Variants in GRIK5 observed in about 807,000 individuals in gnomAD.
GRIK5 encodes the protein glutamate receptor ionotropic, kainate 5.
A neutral mutation model predicts 97.4 loss-of-function variants in GRIK5; 43 were observed. The observed-to-expected ratio is 0.44, with a 90% CI of 0.35 to 0.57. The LOEUF (loss-of-function observed/expected upper bound fraction) is 0.57. Among genes scored for constraint, GRIK5 ranks in the 20% least tolerant of loss-of-function variants. The pLI, the probability that GRIK5 is intolerant of heterozygous loss-of-function variation, is 0.01. For missense variants in GRIK5, 1,015 were observed against 1,382.0 expected, an observed-to-expected ratio of 0.73 and a Z score of 4.21; for synonymous variants, 580 against 583.5, an observed-to-expected ratio of 0.99 and a Z score of 0.09.
Position 42,005,928 on chromosome 19 carries a change from G to A in GRIK5, c.2058C>T (p.Tyr686=). The part of the protein sequence containing the change: ...TFFQNSRYQT[Y]QRMWNYMQSK... ...ACTGCATGTAGTTCCACATGCGCTG[G>A]TACGTTTGGTACCGTGAATTCTGGG... The change falls in exon 17 of 20, where the codon TAC becomes TAT. Residue 686 remains tyrosine, a synonymous_variant. Coordinates refer to ENST00000593562, the MANE Select transcript of GRIK5 (RefSeq NM_002088.5). 1 of 1,576,624 alleles carries A rather than the reference G, an allele frequency of 6.3e-7. No homozygotes were observed. Among genetic ancestry groups the A allele is most frequent in the Non-Finnish European group, 8.7e-7 (1 of 1,151,258 alleles).
In GRIK5 at chr19:42,022,468, G is replaced by C. The variant is rs536435410; in HGVS notation, c.1474-114C>G. On this transcript the variant is annotated intron_variant, in intron 12 of 19. Coordinates refer to ENST00000593562, the MANE Select transcript of GRIK5 (RefSeq NM_002088.5). This position sits in a 1 kb window ranked among gnomAD's most constrained non-coding sequence, Gnocchi z 4.2. ...AACTGAGGGAGGCGAGAGAGAGAGA[G>C]GTAGGGAGGGGGAGGGGCCAGGAGC... 1.0e-5 allele frequency: 15 copies of C among 1,471,024 alleles called. No individual in the cohort carries two copies. The African/African-American group carries it at 2.0e-4, about 19-fold the overall frequency. The allele number at this position is 1,471,024 out of a possible 1,614,324, so 91.1% of individuals were successfully genotyped here. A position where few individuals can be genotyped will look rare whatever the true frequency, so the allele number is the denominator to read the frequency against.
rs2076138150 is a variant in GRIK5 at position 42,053,172 on chromosome 19, G to C, written c.1269+430C>G. Among the ~76,000 whole-genome samples the C allele has an allele frequency of 3.9e-5, 6 of 152,192 alleles. 1 individual carries two copies. In the South Asian group the frequency reaches 1.2e-3, roughly 31 times the overall value. Reference sequence around the variant, plus strand: ...TCAAGACTCAGGCTCTGAAGGATTAGAGACATAGCTTCCAGTCCTGGCTGT... The same window carrying C: ...TCAAGACTCAGGCTCTGAAGGATTACAGACATAGCTTCCAGTCCTGGCTGT... On this transcript the variant is annotated intron_variant, in intron 11 of 19. Transcript: ENST00000593562.
chr19:42,031,502 C>T (rs532394240), intron 12 of GRIK5, among the ~76,000 whole-genome samples: 20 of 152,260 alleles, frequency 1.3e-4, no homozygotes, highest in African/African-American at 4.6e-4. Flanking sequence ...GGGACCATGG[C>T]CCCATCAGGC....
At chr19:42,055,554 T>G (rs2076172325) in intron 8 of GRIK5, among the ~76,000 whole-genome samples, 1 of 152,222 alleles carries the variant, frequency 6.6e-6, no homozygotes, top group South Asian at 2.1e-4. Flanking sequence ...CTCATGGAAC[T>G]TACAGTCCTC....
At chr19:42,040,358 T>G (rs1421435532) in intron 12 of GRIK5, among the ~76,000 whole-genome samples, 2 of 152,228 alleles carry the variant, frequency 1.3e-5, no homozygotes, top group Admixed American at 1.3e-4. Flanking sequence ...CAGTTTAGAG[T>G]GACTTCAGGT....
Position 41,999,351 on chromosome 19 carries a change from C to T in GRIK5, c.2515-52G>A. ...CCCGGCGCAGTCCGCCTCCCGCCTC[C>T]CCCAGCCCCTCTCCACATCCCACTC... On this transcript the variant is annotated intron_variant, in intron 19 of 19. Coordinates refer to ENST00000593562, the MANE Select transcript of GRIK5 (RefSeq NM_002088.5). This position sits in a 1 kb window ranked among gnomAD's most constrained non-coding sequence, Gnocchi z 5.0. 1 of 1,377,130 alleles carries T rather than the reference C, an allele frequency of 7.3e-7. No homozygotes were observed. The allele number at this position is 1,377,130 out of a possible 1,614,324, so 85.3% of individuals were successfully genotyped here.
Position 41,999,436 on chromosome 19 carries a change from T to C in GRIK5, c.2515-137A>G. ...TTCTGCCCTCGCTTCCCTTCCCACTTCTCTTCCCTTTATCTCCCCCGTGTT... is the reference window on the plus strand; with the variant it reads ...TTCTGCCCTCGCTTCCCTTCCCACTCCTCTTCCCTTTATCTCCCCCGTGTT... On this transcript the variant is annotated intron_variant, in intron 19 of 19. Transcript: ENST00000593562. This position sits in a 1 kb window ranked among gnomAD's most constrained non-coding sequence, Gnocchi z 5.0. 2 of 638,078 alleles carry C rather than the reference T, an allele frequency of 3.1e-6. No individual in the cohort carries two copies. The highest frequency in any genetic ancestry group is 5.1e-6 in the Non-Finnish European group (2 of 392,410). 39.5% of individuals were successfully genotyped at this position (638,078 alleles called of 1,614,324 possible). A position where few individuals can be genotyped will look rare whatever the true frequency, so the allele number is the denominator to read the frequency against.
chr19:42,057,018 G>A, intron 6 of GRIK5, 40 bp from the exon 7 acceptor site: 2 of 1,474,470 alleles, frequency 1.4e-6, no homozygotes, highest in Non-Finnish European at 1.9e-6. Context: ...GTGAGAGACA[G>A]AGACCCACAG....
rs150196835 is a variant in GRIK5 at position 42,054,395 on chromosome 19, G to A, written c.981C>T (p.Ile327=). 242 of 1,613,688 alleles carry A rather than the reference G, an allele frequency of 1.5e-4. No homozygotes were observed. Among genetic ancestry groups the A allele is most frequent in the Middle Eastern group, 4.9e-4 (3 of 6,062 alleles). The change falls in exon 9 of 20, where the codon ATC becomes ATT. Residue 327 remains isoleucine (I), a synonymous_variant. Coordinates refer to ENST00000593562, the MANE Select transcript of GRIK5 (RefSeq NM_002088.5). ...ATGTACAGGCCAGAGGCTTCACACCGATCTCCTGGCTGCGGTTCAGCTCTC... is the reference window on the plus strand; with the variant it reads ...ATGTACAGGCCAGAGGCTTCACACCAATCTCCTGGCTGCGGTTCAGCTCTC... ...AVRELNRSQE[I]GVKPLACTSA...
intron 12 of GRIK5, among the ~76,000 whole-genome samples, chr19:42,031,685 G>C (rs552117156): frequency 6.6e-6 from 1 of 152,284 alleles, no homozygotes; most frequent in African/African-American, 2.4e-5. Flanking sequence ...CTGAGAAGGA[G>C]CCTATATAGA....
chr19:42,021,477 G>C lies in GRIK5; in HGVS notation c.1698-3C>G. ...TATACCACTCATAGGGGCTCAGCCT[G>C]TGGAGAGACGTGCAGCGTGTGGATG... On this transcript the variant is annotated splice_region_variant and splice_polypyrimidine_tract_variant and intron_variant, in intron 14 of 19. Transcript: ENST00000593562. The surrounding 1 kb of genome is among the most constrained non-coding windows in gnomAD (Gnocchi z 4.2). The C allele has an allele frequency of 6.5e-7, 1 of 1,542,846 alleles. No individual in the cohort carries two copies. The highest frequency in any genetic ancestry group is 8.8e-7 in the Non-Finnish European group (1 of 1,141,006).
intron 1 of GRIK5, among the ~76,000 whole-genome samples, chr19:42,066,350 G>A (rs990738584): frequency 2.0e-5 from 3 of 152,048 alleles, no homozygotes; most frequent in East Asian, 1.9e-4. Context: ...CTGGACATCC[G>A]AGGTCTGGAG....
intron 12 of GRIK5, among the ~76,000 whole-genome samples, chr19:42,023,287 C>A (rs1416846875): frequency 6.6e-6 from 1 of 152,102 alleles, no homozygotes; most frequent in African/African-American, 2.4e-5. Context: ...CCTGAAGCAT[C>A]ATCCAGAGGC....
intron 1 of GRIK5, among the ~76,000 whole-genome samples, chr19:42,066,092 C>T (rs912554844): frequency 8.5e-5 from 13 of 152,206 alleles, no homozygotes; most frequent in Non-Finnish European, 1.6e-4. Context: ...GGCACAGCTA[C>T]CAAAACAGGA....
At position 42,001,278 on chromosome 19, in the gene GRIK5, G is replaced by T. The variant is rs369118187; in HGVS notation, c.2515-1979C>A. Among the ~76,000 whole-genome samples, 16 of 152,284 alleles carry T rather than the reference G, an allele frequency of 1.1e-4. 1 individual carries two copies. In the South Asian group the frequency reaches 2.9e-3, roughly 28 times the overall value. On this transcript the variant is annotated intron_variant, in intron 19 of 19. Coordinates refer to ENST00000593562, the MANE Select transcript of GRIK5 (RefSeq NM_002088.5). The stretch of plus-strand genomic sequence containing the variant: ...CAGTCTCACTCTGTCACCCAGGCTG[G>T]AGGGCAGTGGTGCAATCTCGGCTCA...
At chr19:42,061,702 A>G (rs2076261593) in intron 5 of GRIK5, among the ~76,000 whole-genome samples, 1 of 151,672 alleles carries the variant, frequency 6.6e-6, no homozygotes, top group Non-Finnish European at 1.5e-5. Context: ...CACGCCTCTC[A>G]CATCACCCTG....
Position 42,042,170 on chromosome 19 carries a change from G to A in GRIK5, c.1473+382C>T, listed in dbSNP as rs999196045. Among the ~76,000 whole-genome samples the A allele has an allele frequency of 1.4e-4, 22 of 152,204 alleles. No homozygotes were observed. Among genetic ancestry groups the A allele is most frequent in the African/African-American group, 4.8e-5 (2 of 41,442 alleles). ...TGGGCATAGCACACAGGTGAGGTGT[G>A]CTCCCTGCTCTCAGCCCTGCCTCCT... is the stretch of plus-strand genomic sequence containing the variant. On this transcript the variant is annotated intron_variant, in intron 12 of 19. Coordinates refer to ENST00000593562, the MANE Select transcript of GRIK5 (RefSeq NM_002088.5). This position sits in a 1 kb window ranked among gnomAD's most constrained non-coding sequence, Gnocchi z 6.9.
intron 12 of GRIK5, among the ~76,000 whole-genome samples, chr19:42,031,527 C>T (rs1427398580): frequency 1.3e-5 from 2 of 152,158 alleles, no homozygotes; most frequent in African/African-American, 4.8e-5. Context: ...TCTGAGTTAA[C>T]CTGGGCTCAG....
intron 15 of GRIK5, among the ~76,000 whole-genome samples, chr19:42,020,382 C>G (rs1030569728): frequency 3.3e-5 from 5 of 152,190 alleles, no homozygotes; most frequent in Non-Finnish European, 7.4e-5. Context: ...TCCTCTGCCT[C>G]TCCAGGACAG....
Sources: gnomAD v4.1 joint callset for allele counts (sites outside exome capture counted in the v4.1 genomes callset) on GRCh38, gnomAD v4.1.1 for gene constraint, Gnocchi (gnomAD v3.1) non-coding constraint, MANE v1.5 for transcripts, NCBI Gene and HGNC (gene_info 2026-07-23, HGNC 2026-07-21) for gene names.